The following LRRC4C variants were observed in gnomAD, a reference collection of about 807,000 sequenced individuals.
The protein encoded by LRRC4C is leucine-rich repeat-containing protein 4C.
In LRRC4C, 5 loss-of-function variants were observed where a neutral mutation model predicts 33.6. That is an observed-to-expected ratio of 0.15 (90% CI 0.08 to 0.31). The LOEUF (loss-of-function observed/expected upper bound fraction) is 0.31, where lower values mean the gene tolerates loss of function less well. Among genes scored for constraint, LRRC4C ranks in the 10% least tolerant of loss-of-function variants. The pLI, the probability that LRRC4C is intolerant of heterozygous loss-of-function variation, is 1.00. For missense variants in LRRC4C, 560 were observed against 796.7 expected (o/e 0.70, Z 3.58); for synonymous variants, 329 against 302.0 (o/e 1.09, Z -0.93).
intron 4 of LRRC4C, among the ~76,000 whole-genome samples, chr11:40,254,208 C>T (rs183634688): frequency 1.8e-4 from 27 of 152,288 alleles, no homozygotes; most frequent in Admixed American, 5.2e-4. Context: ...ATAATTTTTT[C>T]ATATTTTGTC....
Position 41,190,745 on chromosome 11 carries a change from G to A in LRRC4C, c.-495-257022C>T, listed in dbSNP as rs1026716804. On this transcript the variant is annotated intron_variant, in intron 1 of 6. Coordinates refer to ENST00000528697, the MANE Select transcript of LRRC4C (RefSeq NM_001258419.2). ...TCTGAAATGACGTGACACTAGTTTGGCCGTAGTTTATTTTCAAACATGCTG... is the reference window on the plus strand; with the variant it reads ...TCTGAAATGACGTGACACTAGTTTGACCGTAGTTTATTTTCAAACATGCTG... 2.0e-5 allele frequency among the ~76,000 whole-genome samples: 3 copies of A among 152,232 alleles called. No individual in the cohort carries two copies. In the East Asian group the frequency reaches 5.8e-4, roughly 29 times the overall value.
intron 1 of LRRC4C, among the ~76,000 whole-genome samples, chr11:41,054,506 C>A (rs1333810037): frequency 2.6e-5 from 4 of 152,074 alleles, no homozygotes; most frequent in African/African-American, 9.7e-5. Flanking sequence ...CTGTCACCAC[C>A]AGGGTGATTT....
intron 1 of LRRC4C, among the ~76,000 whole-genome samples, chr11:40,949,902 A>G (rs1046009139): frequency 9.3e-4 from 141 of 152,168 alleles, no homozygotes; most frequent in Admixed American, 4.5e-3. Flanking sequence ...AAATGCTCCA[A>G]TTAAAAGACA....
chr11:40,683,934 A>G (rs925225250), intron 2 of LRRC4C, among the ~76,000 whole-genome samples: 1 of 152,232 alleles, frequency 6.6e-6, no homozygotes, highest in African/African-American at 2.4e-5. Context: ...ATGGGAACTT[A>G]GAACCCCAAA....
chr11:40,529,743 A>G (rs1429452065), intron 3 of LRRC4C, among the ~76,000 whole-genome samples: 3 of 152,168 alleles, frequency 2.0e-5, no homozygotes, highest in Non-Finnish European at 4.4e-5. Context: ...AGAATGGAAA[A>G]TGGATTCAAT....
At chr11:40,986,149 A>G (rs1388220021) in intron 1 of LRRC4C, among the ~76,000 whole-genome samples, 1 of 152,242 alleles carries the variant, frequency 6.6e-6, no homozygotes, top group Non-Finnish European at 1.5e-5. Flanking sequence ...AAATAAAGCC[A>G]AAGTGATATG....
At chr11:40,210,871 C>T (rs1372908977) in intron 5 of LRRC4C, among the ~76,000 whole-genome samples, 3 of 152,176 alleles carry the variant, frequency 2.0e-5, no homozygotes, top group Non-Finnish European at 1.5e-5. Context: ...CTCCCGGGTT[C>T]AAGTGATTCT....
At position 40,414,797 on chromosome 11, in the gene LRRC4C, A is replaced by G. The variant is rs569725838; in HGVS notation, c.-269-95076T>C. Among the ~76,000 whole-genome samples the G allele has an allele frequency of 2.6e-5, 4 of 152,180 alleles. No individual in the cohort carries two copies. The East Asian group carries it at 7.7e-4, about 29-fold the overall frequency. On this transcript the variant is annotated intron_variant, in intron 3 of 6. Coordinates refer to ENST00000528697, the MANE Select transcript of LRRC4C (RefSeq NM_001258419.2). ...CCTTAACATGCACAGACACAACCAG[A>G]AGAGGAGAAGAAGGGATCTTCTCTC...
At chr11:40,250,715 G>A (rs1866723952) in intron 4 of LRRC4C, among the ~76,000 whole-genome samples, 1 of 151,854 alleles carries the variant, frequency 6.6e-6, no homozygotes, top group Non-Finnish European at 1.5e-5. Flanking sequence ...CTCCAGCCTG[G>A]GTGACAGAGT....
chr11:40,391,038 CA>C (rs1441929216), intron 3 of LRRC4C, among the ~76,000 whole-genome samples: 3 of 152,014 alleles, frequency 2.0e-5, no homozygotes, highest in Non-Finnish European at 4.4e-5. Context: ...TGCATCACCA[CA>C]CCTGGCTTAT....
intron 5 of LRRC4C, among the ~76,000 whole-genome samples, chr11:40,161,524 C>T (rs542957982): frequency 3.9e-5 from 6 of 152,218 alleles, no homozygotes; most frequent in East Asian, 3.9e-4. Context: ...GAGGCCGAGG[C>T]GGGCAGACTG....
chr11:41,276,451 C>G lies in LRRC4C; in HGVS notation c.-496+182980G>C, dbSNP rs146105243. On this transcript the variant is annotated intron_variant, in intron 1 of 6. Coordinates refer to ENST00000528697, the MANE Select transcript of LRRC4C (RefSeq NM_001258419.2). ...CTCTTAACTTTTAAGTCAGTTTAAA[C>G]TTCACTTTATCACAAAAGCATTACT... Among the ~76,000 whole-genome samples the G allele has an allele frequency of 2.4e-3, 359 of 152,288 alleles. 1 individual carries two copies. The highest frequency in any genetic ancestry group is 8.1e-3 in the African/African-American group (338 of 41,580).
intron 1 of LRRC4C, among the ~76,000 whole-genome samples, chr11:41,159,937 G>A (rs1812606114): frequency 6.6e-6 from 1 of 151,984 alleles, no homozygotes; most frequent in African/African-American, 2.4e-5. Context: ...GTGCTTTGAT[G>A]GGGGATAAAT....
intron 3 of LRRC4C, among the ~76,000 whole-genome samples, chr11:40,339,334 A>G (rs1261192010): frequency 6.6e-6 from 1 of 152,210 alleles, no homozygotes; most frequent in African/African-American, 2.4e-5. Flanking sequence ...TATAGAATAA[A>G]AAAACACCTC....
At chr11:40,862,555 C>G (rs1954155485) in intron 2 of LRRC4C, among the ~76,000 whole-genome samples, 1 of 152,130 alleles carries the variant, frequency 6.6e-6, no homozygotes, top group African/African-American at 2.4e-5. Context: ...TTTAAAAACC[C>G]AAACAACTGA....
At chr11:40,169,599 T>C (rs1239344206) in intron 5 of LRRC4C, among the ~76,000 whole-genome samples, 3 of 152,210 alleles carry the variant, frequency 2.0e-5, no homozygotes, top group Admixed American at 6.5e-5. Flanking sequence ...TTTGATTTCA[T>C]AACACCTGCT....
chr11:41,083,978 C>T (rs544764615), intron 1 of LRRC4C, among the ~76,000 whole-genome samples: 1 of 152,156 alleles, frequency 6.6e-6, no homozygotes, highest in Non-Finnish European at 1.5e-5. Flanking sequence ...GACGATGTCT[C>T]CTTTGCATAG....
intron 2 of LRRC4C, among the ~76,000 whole-genome samples, chr11:40,835,422 T>C (rs570890005): frequency 1.4e-4 from 22 of 152,330 alleles, no homozygotes; most frequent in Middle Eastern, 6.8e-3. Flanking sequence ...GTTCACAGAC[T>C]GGTCTGTGGT....
intron 1 of LRRC4C, among the ~76,000 whole-genome samples, chr11:40,951,485 A>C (rs1003156216): frequency 1.4e-4 from 22 of 152,150 alleles, no homozygotes; most frequent in Admixed American, 3.3e-4. Context: ...AGGCTTGTGG[A>C]AAGTAGGTCA....
Sources: gnomAD v4.1 joint callset for allele counts (sites outside exome capture counted in the v4.1 genomes callset) on GRCh38, gnomAD v4.1.1 for gene constraint, MANE v1.5 for transcripts, NCBI Gene and HGNC (gene_info 2026-07-23, HGNC 2026-07-21) for gene names.